The following DZIP3 variants were observed in gnomAD, a reference collection of about 807,000 sequenced individuals.
DZIP3 encodes the protein DAZ interacting zinc finger protein 3, also known as E3 ubiquitin-protein ligase DZIP3.
Under a neutral mutation model 162.0 loss-of-function variants are expected in DZIP3, and 118 were observed. The ratio of observed to expected loss-of-function variants is 0.73; its 90% CI spans 0.63 to 0.85. DZIP3 has a LOEUF of 0.85. Among genes scored for constraint, DZIP3 ranks in the 40% least tolerant of loss-of-function variants. The probability of loss-of-function intolerance (pLI) is 0.00; values close to 1 mark genes in which losing one functional copy is unlikely to be tolerated. For synonymous variants in DZIP3, 438 were observed against 458.6 expected, an observed-to-expected ratio of 0.96 and a Z score of 0.57; for missense variants, 1,331 against 1,407.0, an observed-to-expected ratio of 0.95 and a Z score of 0.86.
chr3:108,675,886 G>GTAT lies in DZIP3; in HGVS notation c.2781+14_2781+16dup. ...TGCATTCCTCAGGGTAAGTCCTGAA[G>GTAT]TATATTTGGAGAAAATTGGCTTAAT... On this transcript the variant is annotated intron_variant, in intron 25 of 32. Coordinates refer to ENST00000361582, the MANE Select transcript of DZIP3 (RefSeq NM_014648.4). 1 of 1,604,342 alleles carries GTAT rather than the reference G, an allele frequency of 6.2e-7. No individual in the cohort carries two copies. The highest frequency in any genetic ancestry group is 8.5e-7 in the Non-Finnish European group (1 of 1,175,508).
chr3:108,612,628 T>G (rs1226576992), intron 4 of DZIP3, among the ~76,000 whole-genome samples: 2 of 152,172 alleles, frequency 1.3e-5, no homozygotes, highest in South Asian at 4.1e-4. Flanking sequence ...GACATAGTAT[T>G]TGCATACAAC....
chr3:108,647,849 G>T, intron 15 of DZIP3, 94 bp from the exon 16 acceptor site: 2 of 977,988 alleles, frequency 2.0e-6, no homozygotes, highest in Non-Finnish European at 3.0e-6. Flanking sequence ...TTTCTGTTTT[G>T]TGAATGTTGC....
chr3:108,685,568 TAAG>T (rs1944468251), intron 27 of DZIP3, among the ~76,000 whole-genome samples: 1 of 152,166 alleles, frequency 6.6e-6, no homozygotes, highest in Non-Finnish European at 1.5e-5. Flanking sequence ...ATTAGAATCT[TAAG>T]AAGGAACTAC....
rs1206915511 is a variant in DZIP3 at position 108,631,047 on chromosome 3, A to ACTCTCT, written c.696+1872_696+1873insTCTCTC. 2.5e-3 allele frequency among the ~76,000 whole-genome samples: 178 copies of ACTCTCT among 72,368 alleles called. 1 individual carries two copies. Among genetic ancestry groups the ACTCTCT allele is most frequent in the Non-Finnish European group, 3.7e-3 (143 of 38,158 alleles). The allele number at this position is 72,368 out of a possible 152,430, so 47.5% of individuals were successfully genotyped here. ...CACACACACACACACACACACACAC[A>ACTCTCT]CACACACACTCTCTCTCTCTCTCTC... On this transcript the variant is annotated intron_variant, in intron 8 of 32. Transcript: ENST00000361582.
intron 12 of DZIP3, among the ~76,000 whole-genome samples, 171 bp from the exon 13 acceptor site, chr3:108,642,267 G>A (rs1052443643): frequency 6.6e-6 from 1 of 152,136 alleles, no homozygotes; most frequent in African/African-American, 2.4e-5. Context: ...GAAAGTGACA[G>A]TGTAGGGTTT....
chr3:108,676,357 G>A (rs1426289006), intron 25 of DZIP3, among the ~76,000 whole-genome samples: 1 of 151,972 alleles, frequency 6.6e-6, no homozygotes, highest in East Asian at 1.9e-4. Context: ...TGCGGTCTGA[G>A]TAATAATGTG....
At chr3:108,665,779 T>C (rs1364882900) in intron 21 of DZIP3, among the ~76,000 whole-genome samples, 1 of 152,064 alleles carries the variant, frequency 6.6e-6, no homozygotes, top group Non-Finnish European at 1.5e-5. Context: ...TTTGAAACCA[T>C]GAAGGCCAGA....
chr3:108,686,118 G>A, intron 27 of DZIP3, among the ~76,000 whole-genome samples: 1 of 152,046 alleles, frequency 6.6e-6, no homozygotes, highest in Non-Finnish European at 1.5e-5. Context: ...TGCTGTACAT[G>A]TATGTAATTA....
chr3:108,638,440 C>T (rs1461010429), intron 12 of DZIP3, among the ~76,000 whole-genome samples: 8 of 152,038 alleles, frequency 5.3e-5, no homozygotes, highest in Admixed American at 3.9e-4. Flanking sequence ...CTCAACCTCC[C>T]GAGTAGCTGG....
At chr3:108,611,895 G>GT (rs771933078) in intron 4 of DZIP3, among the ~76,000 whole-genome samples, 1 of 151,638 alleles carries the variant, frequency 6.6e-6, no homozygotes, top group Non-Finnish European at 1.5e-5. Flanking sequence ...AACTCAGGAG[G>GT]TGGAGGTACA....
intron 25 of DZIP3, among the ~76,000 whole-genome samples, chr3:108,676,122 C>T (rs1221255386): frequency 2.1e-5 from 3 of 140,210 alleles, no homozygotes; most frequent in Non-Finnish European, 4.4e-5. Context: ...CCTAGCTTTC[C>T]TAGAATTTCA....
At chr3:108,653,507 G>GTGTGTGTA (rs1273159630) in intron 18 of DZIP3, among the ~76,000 whole-genome samples, 16 of 104,598 alleles carry the variant, frequency 1.5e-4, no homozygotes, top group Admixed American at 7.2e-4. Context: ...GTGTGTGTGT[G>GTGTGTGTA]TATATATATA....
chr3:108,620,238 C>T (rs1019258711), intron 5 of DZIP3, among the ~76,000 whole-genome samples: 5 of 152,156 alleles, frequency 3.3e-5, no homozygotes, highest in African/African-American at 9.7e-5. Context: ...ACTCAGTGAT[C>T]AATATTTTTA....
intron 26 of DZIP3, among the ~76,000 whole-genome samples, chr3:108,680,370 C>A (rs1476845916): frequency 6.6e-6 from 1 of 151,938 alleles, no homozygotes; most frequent in Non-Finnish European, 1.5e-5. Context: ...TTTTTGTAGA[C>A]AAATGATCTT....
At chr3:108,632,238 CTATTT>C (rs1941922835) in intron 8 of DZIP3, among the ~76,000 whole-genome samples, 1 of 151,908 alleles carries the variant, frequency 6.6e-6, no homozygotes, top group Non-Finnish European at 1.5e-5. Flanking sequence ...TTGTTTTATT[CTATTT>C]TATTTTATTT....
chr3:108,594,421 C>G (rs1939598936), intron 1 of DZIP3, among the ~76,000 whole-genome samples: 2 of 120,176 alleles, frequency 1.7e-5, no homozygotes, highest in African/African-American at 6.4e-5. Context: ...TCCCCTCCCC[C>G]CTCCCTCCCT....
chr3:108,628,448 C>T (rs1421048430), intron 7 of DZIP3, among the ~76,000 whole-genome samples: 4 of 152,048 alleles, frequency 2.6e-5, no homozygotes, highest in Non-Finnish European at 5.9e-5. Flanking sequence ...TTTTGGGTCT[C>T]CTTTGCAGCT....
rs770889997 is a variant in DZIP3, at chr3:108,625,924, C to G, written c.536C>G (p.Ser179Cys). 22 of 1,613,048 alleles carry G rather than the reference C, an allele frequency of 1.4e-5. No individual in the cohort carries two copies. The highest frequency in any genetic ancestry group is 2.7e-5 in the African/African-American group (2 of 74,820). ...AATGAAATTTGTGAAAACTTTATGT[C>G]TTTAGTTTATTTTGGACGTGGTTTA... ...QENEICENFM[S>C]LVYFGRGLLR... The change falls in exon 7 of 33, where the codon TCT (serine) becomes TGT (cysteine). Residue 179 changes from serine (S) to cysteine (C), a missense_variant. Coordinates refer to ENST00000361582, the MANE Select transcript of DZIP3 (RefSeq NM_014648.4).
At chr3:108,679,993 C>T (rs553620767) in intron 26 of DZIP3, among the ~76,000 whole-genome samples, 1 of 152,100 alleles carries the variant, frequency 6.6e-6, no homozygotes, top group South Asian at 2.1e-4. Context: ...ATTTAAAATA[C>T]ACAAATCAGT....
Sources: gnomAD v4.1 joint callset for allele counts (sites outside exome capture counted in the v4.1 genomes callset) on GRCh38, gnomAD v4.1.1 for gene constraint, MANE v1.5 for transcripts, NCBI Gene and HGNC (gene_info 2026-07-23, HGNC 2026-07-21) for gene names.